Variants in GLI3 observed in about 807,000 individuals in gnomAD.
GLI3 encodes GLI family zinc finger 3.
In GLI3, 20 loss-of-function variants were observed where a neutral mutation model predicts 100.8. The observed-to-expected ratio is 0.20, with a 90% confidence interval of 0.14 to 0.29. GLI3 has a LOEUF of 0.29. Among genes scored for constraint, GLI3 ranks in the 10% least tolerant of loss-of-function variants. The pLI, the probability that GLI3 is intolerant of heterozygous loss-of-function variation, is 1.00. For missense variants in GLI3, 2,040 were observed against 2,128.5 expected (o/e 0.96, Z 0.82); for synonymous variants, 938 against 860.5 (o/e 1.09, Z -1.58).
chr7:42,092,808 T>C (rs1785252482), intron 3 of GLI3, among the ~76,000 whole-genome samples: 1 of 137,510 alleles, frequency 7.3e-6, no homozygotes, highest in Non-Finnish European at 1.6e-5. Flanking sequence ...TTTATTTATT[T>C]ATTTATGTAT....
intron 1 of GLI3, among the ~76,000 whole-genome samples, chr7:42,224,811 G>T (rs914579851): frequency 2.6e-5 from 4 of 152,214 alleles, no homozygotes; most frequent in Non-Finnish European, 5.9e-5. Flanking sequence ...TAGCTGGCCA[G>T]TGCACAACCG....
chr7:42,027,555 T>G (rs974096221), intron 7 of GLI3, among the ~76,000 whole-genome samples: 1 of 152,200 alleles, frequency 6.6e-6, no homozygotes, highest in African/African-American at 2.4e-5. Context: ...TTCAAACCAT[T>G]TCAACAACTT....
chr7:42,096,645 C>T (rs1372092642), intron 3 of GLI3, among the ~76,000 whole-genome samples: 3 of 152,186 alleles, frequency 2.0e-5, no homozygotes, highest in Non-Finnish European at 2.9e-5. Context: ...AGACTCCTGA[C>T]CCTCCACTTT....
At chr7:41,999,453 C>T (rs1212215158) in intron 10 of GLI3, among the ~76,000 whole-genome samples, 1 of 152,188 alleles carries the variant, frequency 6.6e-6, no homozygotes, top group African/African-American at 2.4e-5. Flanking sequence ...GCTTCACTGG[C>T]CACAAAATTA....
At chr7:42,247,219 C>G (rs1297643157) in intron 1 of GLI3, among the ~76,000 whole-genome samples, 1 of 152,040 alleles carries the variant, frequency 6.6e-6, no homozygotes, top group Non-Finnish European at 1.5e-5. Context: ...AAAATATAAA[C>G]TCATAGCAGC....
intron 4 of GLI3, among the ~76,000 whole-genome samples, chr7:42,075,957 C>T (rs1015247307): frequency 2.0e-5 from 3 of 152,142 alleles, no homozygotes; most frequent in Non-Finnish European, 2.9e-5. Context: ...ATTATTTGTG[C>T]TTTTCTAACT....
At position 41,965,735 on chromosome 7, in the gene GLI3, G is replaced by A; in HGVS notation, c.3338C>T (p.Pro1113Leu). 1 of 1,613,614 alleles carries A rather than the reference G, an allele frequency of 6.2e-7. No individual in the cohort carries two copies. Among genetic ancestry groups the A allele is most frequent in the Non-Finnish European group, 8.5e-7 (1 of 1,179,922 alleles). Residue 1113 changes from proline to leucine, a missense_variant, in exon 15 of 15, where the codon CCC becomes CTC. Pro to Leu is a moderately conservative substitution (Grantham distance 98, BLOSUM62 -3). This residue lies in a region of GLI3 where 1,041 missense variants were observed against 924.0 expected (regional missense o/e 1.13). Coordinates refer to ENST00000395925, the MANE Select transcript of GLI3 (RefSeq NM_000168.6). Reference sequence around the variant, plus strand: ...TTTGCTGTCGTCCGGGAGGGCGCTGGGGAAGTGCTGCTCGTACCCTGCTTG... The same window carrying A: ...TTTGCTGTCGTCCGGGAGGGCGCTGAGGAAGTGCTGCTCGTACCCTGCTTG... ...QNQAGYEQHF[P>L]SALPDDSKVP...
chr7:42,185,072 C>T (rs1233120144), intron 2 of GLI3, among the ~76,000 whole-genome samples: 1 of 150,966 alleles, frequency 6.6e-6, no homozygotes, highest in Admixed American at 6.6e-5. Flanking sequence ...TCCCATCCCA[C>T]CTGGGCATGC....
At position 41,966,281 on chromosome 7, in the gene GLI3, G is replaced by A. The variant is rs1336053978; in HGVS notation, c.2792C>T (p.Ala931Val). 6.2e-7 allele frequency: 1 copy of A among 1,608,068 alleles called. No individual in the cohort carries two copies. Among genetic ancestry groups the A allele is most frequent in the Non-Finnish European group, 8.5e-7 (1 of 1,179,248 alleles). The change falls in exon 15 of 15, where the codon GCC becomes GTC. Residue 931 changes from alanine (A) to valine (V), a missense_variant. Coordinates refer to ENST00000395925, the MANE Select transcript of GLI3 (RefSeq NM_000168.6). The surrounding 1 kb of genome is among the most constrained non-coding windows in gnomAD (Gnocchi z 5.8). The stretch of plus-strand genomic sequence containing the variant: ...CCCTCCTGTGGCAGCCGCGTACTTG[G>A]CCTTGAGGCGGTACTGCTGGGCGGG... ...LTPAQQYRLK[A>V]KYAAATGGPP...
At chr7:42,006,350 G>C (rs993108875) in intron 10 of GLI3, among the ~76,000 whole-genome samples, 4 of 152,176 alleles carry the variant, frequency 2.6e-5, no homozygotes, top group African/African-American at 9.7e-5. Context: ...ACATCTCCAA[G>C]AGTGGGAGGA....
upstream of GLI3, among the ~76,000 whole-genome samples, chr7:42,239,141 T>C (rs1488777370): frequency 6.6e-6 from 1 of 152,224 alleles, no homozygotes; most frequent in African/African-American, 2.4e-5. Flanking sequence ...CCATTTGTTT[T>C]AAGATTTCCC....
chr7:41,964,726 G>C lies in GLI3; in HGVS notation c.4347C>G (p.Gly1449=). Residue 1449 remains glycine (G), a synonymous_variant, in exon 15 of 15, where the codon GGC becomes GGG. Coordinates refer to ENST00000395925, the MANE Select transcript of GLI3 (RefSeq NM_000168.6). ...CAGCTTTCGTGTCTTGCTGACTGAAGCCCACGGTTTGGTCATAGAACTGAC... is the reference window on the plus strand; with the variant it reads ...CAGCTTTCGTGTCTTGCTGACTGAACCCCACGGTTTGGTCATAGAACTGAC... The part of the protein sequence containing the change: ...YSGQFYDQTV[G]FSQQDTKAGS... 1 of 1,614,098 alleles carries C rather than the reference G, an allele frequency of 6.2e-7. No individual in the cohort carries two copies.
intron 4 of GLI3, among the ~76,000 whole-genome samples, chr7:42,053,888 G>T (rs1784400812): frequency 6.6e-6 from 1 of 152,230 alleles, no homozygotes; most frequent in African/African-American, 2.4e-5. Flanking sequence ...TGCTGTCTGG[G>T]CACCAGAGAT....
Position 42,036,799 on chromosome 7 carries a change from C to T in GLI3, c.1028+3239G>A, listed in dbSNP as rs111739492. 3.7e-3 allele frequency among the ~76,000 whole-genome samples: 567 copies of T among 152,268 alleles called. 7 individuals carry two copies. The highest frequency in any genetic ancestry group is 0.012 in the African/African-American group (512 of 41,550). On this transcript the variant is annotated intron_variant, in intron 7 of 14. Coordinates refer to ENST00000395925, the MANE Select transcript of GLI3 (RefSeq NM_000168.6). ...TGCTAGTGCTGATGCCCACCAGGCA[C>T]GGAACTTTGCTAACTTCATCTTGCA...
intron 1 of GLI3, among the ~76,000 whole-genome samples, chr7:42,263,573 A>G (rs1789167347): frequency 1.3e-5 from 2 of 151,912 alleles, no homozygotes; most frequent in African/African-American, 2.4e-5. Context: ...CAGCCTCTGG[A>G]GTAGCTAGGA....
intron 2 of GLI3, among the ~76,000 whole-genome samples, chr7:42,182,660 A>ATATATATATACACATGTGTG (rs1554337051): frequency 5.1e-5 from 3 of 59,138 alleles, no homozygotes; most frequent in African/African-American, 2.9e-4. Context: ...ATATATATAT[A>ATATATATATACACATGTGTG]TATATATATA....
At chr7:42,121,980 G>C (rs1026279101) in intron 3 of GLI3, among the ~76,000 whole-genome samples, 1 of 152,090 alleles carries the variant, frequency 6.6e-6, no homozygotes, top group Non-Finnish European at 1.5e-5. Flanking sequence ...AGAGATGGCA[G>C]CCAATCCCCT....
intron 2 of GLI3, among the ~76,000 whole-genome samples, chr7:42,182,606 A>T (rs1787614735): frequency 7.0e-6 from 1 of 143,622 alleles, no homozygotes; most frequent in Non-Finnish European, 1.5e-5. Context: ...ACATAGTATT[A>T]AAAAAACACA....
At chr7:42,262,225 T>TTCCTTCCTTCCATCCTTCC (rs1789151410) in intron 1 of GLI3, among the ~76,000 whole-genome samples, 1 of 118,700 alleles carries the variant, frequency 8.4e-6, no homozygotes, top group Non-Finnish European at 1.7e-5. Flanking sequence ...TCCTTCCTTC[T>TTCCTTCCTTCCATCCTTCC]TTCCTTCCTT....
Sources: gnomAD v4.1 joint callset for allele counts (sites outside exome capture counted in the v4.1 genomes callset) on GRCh38, gnomAD v4.1.1 for gene constraint, gnomAD v4.1.1 regional missense constraint, Gnocchi (gnomAD v3.1) non-coding constraint, MANE v1.5 for transcripts, NCBI Gene and HGNC (gene_info 2026-07-23, HGNC 2026-07-21) for gene names.